SCML4: variants seen among roughly 807,000 people sequenced by gnomAD.
The protein encoded by SCML4 is sex comb on midleg-like protein 4.
In SCML4, 34 loss-of-function variants were observed where a neutral mutation model predicts 41.1. That is an observed-to-expected ratio of 0.83 (90% CI 0.63 to 1.10). The LOEUF (loss-of-function observed/expected upper bound fraction) is 1.10. SCML4 is among the 50% of genes least tolerant of loss of function. The probability of loss-of-function intolerance (pLI) is 0.00; values close to 1 mark genes in which losing one functional copy is unlikely to be tolerated. For synonymous variants in SCML4, 214 were observed against 220.9 expected, an observed-to-expected ratio of 0.97 and a Z score of 0.28; for missense variants, 522 against 534.1, an observed-to-expected ratio of 0.98 and a Z score of 0.22.
At chr6:107,773,968 T>C (rs1780721568) in intron 1 of SCML4, among the ~76,000 whole-genome samples, 1 of 152,246 alleles carries the variant, frequency 6.6e-6, no homozygotes, top group Admixed American at 6.5e-5. Context: ...AAAAACATGA[T>C]AGGAAATATT....
intron 1 of SCML4, among the ~76,000 whole-genome samples, chr6:107,797,716 C>T (rs887138282): frequency 6.6e-6 from 1 of 151,866 alleles, no homozygotes; most frequent in East Asian, 1.9e-4. Context: ...CTGATTTTAG[C>T]TTAAATTTTA....
intron 1 of SCML4, among the ~76,000 whole-genome samples, chr6:107,801,947 A>G (rs955959328): frequency 2.8e-5 from 4 of 144,068 alleles, no homozygotes; most frequent in Non-Finnish European, 4.5e-5. Context: ...TTTTTTTTGT[A>G]TTTTTAGTAG....
At chr6:107,779,830 T>G (rs1781340151) in intron 1 of SCML4, among the ~76,000 whole-genome samples, 1 of 152,160 alleles carries the variant, frequency 6.6e-6, no homozygotes, top group Admixed American at 6.5e-5. Context: ...ATTCCACCAT[T>G]TCCAAGGTGG....
intron 1 of SCML4, among the ~76,000 whole-genome samples, chr6:107,775,102 A>T (rs537846009): frequency 6.6e-6 from 1 of 152,348 alleles, no homozygotes; most frequent in South Asian, 2.1e-4. Flanking sequence ...CAGTGGAAAG[A>T]ATAAACAGGC....
chr6:107,745,172 A>G (rs1366682946), intron 4 of SCML4, 29 bp from the exon 5 acceptor site: 20 of 1,502,010 alleles, frequency 1.3e-5, no homozygotes, highest in Non-Finnish European at 1.7e-5. Context: ...GTCAGCTTAG[A>G]GCCGGGCACT....
At chr6:107,721,723 TGTGGCCTGGGTG>T (rs1447694485) in intron 5 of SCML4, among the ~76,000 whole-genome samples, 9 of 152,146 alleles carry the variant, frequency 5.9e-5, no homozygotes, top group African/African-American at 2.2e-4. Context: ...GAGAGACAAC[TGTGGCCTGGGTG>T]GTGGCCCAGG....
chr6:107,726,175 A>G (rs1216244006), intron 5 of SCML4, among the ~76,000 whole-genome samples: 3 of 152,026 alleles, frequency 2.0e-5, no homozygotes, highest in African/African-American at 7.2e-5. Context: ...AGGGACTTGT[A>G]TATCTTGTAA....
chr6:107,719,960 C>G lies in SCML4; in HGVS notation c.973+743G>C. ...AGGGCCTTCAAGCTATTACTATAAT[C>G]CTTTAGCCCTTATAGCGCTTTTGTA... is the stretch of plus-strand genomic sequence containing the variant. On this transcript the variant is annotated intron_variant, in intron 6 of 7. Coordinates refer to ENST00000369020, the MANE Select transcript of SCML4 (RefSeq NM_198081.5). 11 of 985,436 alleles carry G rather than the reference C, an allele frequency of 1.1e-5. No individual in the cohort carries two copies. The South Asian group carries it at 3.8e-4, about 34-fold the overall frequency. The allele number at this position is 985,436 out of a possible 1,614,324, so 61.0% of individuals were successfully genotyped here. A position where few individuals can be genotyped will look rare whatever the true frequency, so the allele number is the denominator to read the frequency against.
intron 1 of SCML4, among the ~76,000 whole-genome samples, chr6:107,808,771 GTATATAATC>G (rs1360224057): frequency 3.3e-5 from 5 of 152,132 alleles, no homozygotes; most frequent in Non-Finnish European, 1.5e-5. Flanking sequence ...AATGTAGTAT[GTATATAATC>G]TATCAATATA....
chr6:107,800,546 C>T (rs1783040778), intron 1 of SCML4, among the ~76,000 whole-genome samples: 1 of 152,176 alleles, frequency 6.6e-6, no homozygotes, highest in African/African-American at 2.4e-5. Context: ...TTAGCCTTTC[C>T]TTCACTGGTC....
At chr6:107,731,728 C>A (rs1776573153) in intron 5 of SCML4, among the ~76,000 whole-genome samples, 1 of 152,202 alleles carries the variant, frequency 6.6e-6, no homozygotes, top group South Asian at 2.1e-4. Flanking sequence ...ACAGAGATGG[C>A]AACATCAGAG....
intron 2 of SCML4, among the ~76,000 whole-genome samples, chr6:107,755,839 G>A (rs1240644913): frequency 6.6e-6 from 1 of 152,160 alleles, no homozygotes; most frequent in Non-Finnish European, 1.5e-5. Context: ...AGAGCATCTT[G>A]TAATGCCAGA....
intron 5 of SCML4, among the ~76,000 whole-genome samples, chr6:107,742,136 T>C (rs1198498622): frequency 6.6e-6 from 1 of 151,910 alleles, no homozygotes. Flanking sequence ...GAAATACATT[T>C]GCTGAACTAA....
intron 5 of SCML4, among the ~76,000 whole-genome samples, chr6:107,723,797 T>C (rs543261888): frequency 4.3e-4 from 65 of 152,308 alleles, no homozygotes; most frequent in Non-Finnish European, 7.9e-4. Context: ...CCAGCTTCTA[T>C]GGCAAATACT....
intron 7 of SCML4, 26 bp downstream of exon 7, chr6:107,707,840 C>G: frequency 1.4e-5 from 21 of 1,551,674 alleles, no homozygotes; most frequent in Non-Finnish European, 1.8e-5. Flanking sequence ...CAATCCCCCC[C>G]AAGGTCAAAC....
Position 107,744,951 on chromosome 6 carries a change from G to T in SCML4, c.680C>A (p.Ser227Ter), listed in dbSNP as rs771489633. The change falls in exon 5 of 8, where the codon TCA becomes TAA. Residue 227 changes from serine (S) to a stop codon, truncating the protein, a stop_gained and splice_region_variant. Coordinates refer to ENST00000369020, the MANE Select transcript of SCML4 (RefSeq NM_198081.5). LOFTEE classifies it high-confidence loss of function. ...VQEKEEGRMESVKTVTTEEYL... is the reference protein window; with the variant it reads ...VQEKEEGRME ...GGGGGAAGCAGGACAAGGCCTACCT[G>T]ATTCCATCCTCCCTTCCTCTTTCTC... is the stretch of plus-strand genomic sequence containing the variant. 2 of 1,606,454 alleles carry T rather than the reference G, an allele frequency of 1.2e-6. No individual in the cohort carries two copies. The highest frequency in any genetic ancestry group is 1.7e-6 in the Non-Finnish European group (2 of 1,176,144).
chr6:107,742,843 A>G (rs1777714026), intron 5 of SCML4, among the ~76,000 whole-genome samples: 1 of 152,238 alleles, frequency 6.6e-6, no homozygotes, highest in Non-Finnish European at 1.5e-5. Context: ...TGCGGGTACA[A>G]AGCCTGTTGG....
At chr6:107,716,164 G>T (rs1338942182) in intron 6 of SCML4, among the ~76,000 whole-genome samples, 1 of 152,150 alleles carries the variant, frequency 6.6e-6, no homozygotes, top group African/African-American at 2.4e-5. Flanking sequence ...TTTTGTTTAA[G>T]CAAAGCACAT....
intron 5 of SCML4, among the ~76,000 whole-genome samples, chr6:107,730,979 A>G (rs1776479007): frequency 6.6e-6 from 1 of 151,982 alleles, no homozygotes; most frequent in Non-Finnish European, 1.5e-5. Flanking sequence ...TGGGGTGGAG[A>G]TAGGGTTAGG....
Sources: gnomAD v4.1 joint callset for allele counts (sites outside exome capture counted in the v4.1 genomes callset) on GRCh38, gnomAD v4.1.1 for gene constraint, MANE v1.5 for transcripts, NCBI Gene and HGNC (gene_info 2026-07-23, HGNC 2026-07-21) for gene names.